HHIPL1: variants seen among roughly 807,000 people sequenced by gnomAD.
HHIPL1 encodes HHIP-like protein 1.
A neutral mutation model predicts 61.8 loss-of-function variants in HHIPL1; 43 were observed. The ratio of observed to expected loss-of-function variants is 0.70; its 90% CI spans 0.55 to 0.90. The LOEUF (loss-of-function observed/expected upper bound fraction) is 0.90. Ranked by LOEUF, HHIPL1 falls within the 40% of genes least tolerant of loss-of-function variation. The pLI is 0.00. For synonymous variants in HHIPL1, 482 were observed against 515.8 expected, an observed-to-expected ratio of 0.93 and a Z score of 0.89; for missense variants, 1,056 against 1,157.7, an observed-to-expected ratio of 0.91 and a Z score of 1.28.
At position 99,668,281 on chromosome 14, in the gene HHIPL1, T is replaced by C; in HGVS notation, c.1708T>C (p.Tyr570His). Residue 570 changes from tyrosine (Y) to histidine (H), a missense_variant, in exon 7 of 9, where the codon TAC becomes CAC. By Grantham distance (83) the Tyr-to-His change is moderately conservative. Transcript: ENST00000330710. This position sits in a 1 kb window ranked among gnomAD's most constrained non-coding sequence, Gnocchi z 4.7. The part of the protein sequence containing the change: ...PSATAPRGVV[Y>H]KIIDASRRAP... ...TGCCACAGCTCCACGCGGAGTTGTC[T>C]ACAAAATAATTGACGCATCCAGGTG... The C allele has an allele frequency of 6.2e-7, 1 of 1,610,296 alleles. No homozygotes were observed. Among genetic ancestry groups the C allele is most frequent in the South Asian group, 1.1e-5 (1 of 91,008 alleles).
the HHIPL1 span, among the ~76,000 whole-genome samples, chr14:99,630,127 C>T: frequency 6.6e-6 from 1 of 152,206 alleles, no homozygotes; most frequent in African/African-American, 2.4e-5. Context: ...ATTGGCTGAG[C>T]CTCCACTGTG....
chr14:99,609,748 AG>A, the HHIPL1 span, among the ~76,000 whole-genome samples: 72 of 152,374 alleles, frequency 4.7e-4, no homozygotes, highest in African/African-American at 1.7e-3. Context: ...TCTGGAGCTC[AG>A]GAAGTCCGCA....
In HHIPL1 at chr14:99,652,778, C is replaced by T. The variant is rs761222378; in HGVS notation, c.810C>T (p.Tyr270=). 28 of 1,613,978 alleles carry T rather than the reference C, an allele frequency of 1.7e-5. No homozygotes were observed. The highest frequency in any genetic ancestry group is 2.3e-5 in the Non-Finnish European group (27 of 1,180,052). The change falls in exon 2 of 9, where the codon TAC becomes TAT. Residue 270 remains tyrosine, a synonymous_variant. Coordinates refer to ENST00000330710, the MANE Select transcript of HHIPL1 (RefSeq NM_001127258.3). ...FQHNRRLYVY[Y]SVGIRSSEWI... is the part of the protein sequence containing the mutation. ...ACAACCGCAGGCTCTACGTCTACTA[C>T]TCAGTGGGTATCCGCAGCAGTGAGT...
chr14:99,667,739 G>A (rs1211890035), intron 6 of HHIPL1, among the ~76,000 whole-genome samples: 2 of 152,192 alleles, frequency 1.3e-5, no homozygotes, highest in African/African-American at 4.8e-5. Flanking sequence ...CACGCTCTGC[G>A]CTCTTCAGTC....
At chr14:99,605,511 G>A in the HHIPL1 span, among the ~76,000 whole-genome samples, 275 of 152,276 alleles carry the variant, frequency 1.8e-3, 3 homozygotes, top group Non-Finnish European at 2.2e-4. Flanking sequence ...TTGCTAAGCC[G>A]TTCATTCAGC....
At position 99,652,337 on chromosome 14, in the gene HHIPL1, G is replaced by T. The variant is rs1409833184; in HGVS notation, c.369G>T (p.Arg123=). The T allele has an allele frequency of 5.0e-6, 8 of 1,614,064 alleles. No individual in the cohort carries two copies. The highest frequency in any genetic ancestry group is 6.8e-6 in the Non-Finnish European group (8 of 1,180,048). ...DYCLDMWHKC[R]GLFRHLSTDQ... ...GCCTGGACATGTGGCATAAGTGCCG[G>T]GGGCTGTTCCGTCACCTGTCAACTG... Residue 123 remains arginine, a synonymous_variant, in exon 2 of 9, where the codon CGG becomes CGT. Coordinates refer to ENST00000330710, the MANE Select transcript of HHIPL1 (RefSeq NM_001127258.3).
the HHIPL1 span, among the ~76,000 whole-genome samples, chr14:99,614,356 A>G: frequency 9.2e-5 from 14 of 152,276 alleles, no homozygotes; most frequent in Middle Eastern, 0.02. Context: ...ACCAGGCCAC[A>G]GAACTCTGCA....
At chr14:99,629,229 T>C in the HHIPL1 span, among the ~76,000 whole-genome samples, 148,236 of 152,342 alleles carry the variant, frequency 0.97, 72,254 homozygotes, top group East Asian at 1. Context: ...GGGGACTGTT[T>C]CATATCATCA....
chr14:99,634,009 GGA>G, the HHIPL1 span, among the ~76,000 whole-genome samples: 2,787 of 152,336 alleles, frequency 0.018, 42 homozygotes, highest in Non-Finnish European at 0.031. Context: ...TGGCGGGGCA[GGA>G]GCAAAGCTGC....
intron 1 of HHIPL1, among the ~76,000 whole-genome samples, chr14:99,648,206 G>A (rs1278094161): frequency 1.3e-5 from 2 of 152,144 alleles, no homozygotes; most frequent in East Asian, 3.9e-4. Flanking sequence ...GTAGGAACAA[G>A]GCCACATACC....
the HHIPL1 span, among the ~76,000 whole-genome samples, chr14:99,628,465 C>T: frequency 6.6e-6 from 1 of 151,594 alleles, no homozygotes; most frequent in Non-Finnish European, 1.5e-5. Context: ...TCTGTAATCC[C>T]AGCTACTTGG....
At chr14:99,663,155 C>CAGG in intron 6 of HHIPL1, 134 bp downstream of exon 6, 1 of 807,644 alleles carries the variant, frequency 1.2e-6, no homozygotes, top group Non-Finnish European at 1.9e-6. Flanking sequence ...GGGATGTTCC[C>CAGG]TGGCTCCAGA....
chr14:99,669,210 G>C (rs1162899976), intron 7 of HHIPL1: 1 of 1,225,232 alleles, frequency 8.2e-7, no homozygotes, highest in African/African-American at 1.5e-5. Context: ...GGCCGCCCAG[G>C]TGCTGGGAAT....
rs1330878744 is a variant in HHIPL1, at chr14:99,668,743, C to G, written c.1730+440C>G. ...GATCCCTGTGTGTCCCCGCCCCGTG[C>G]CTGCCCTTCCTCCTGTGGTCCATCT... is the stretch of plus-strand genomic sequence containing the variant. On this transcript the variant is annotated intron_variant, in intron 7 of 8. Transcript: ENST00000330710. The surrounding 1 kb of genome is among the most constrained non-coding windows in gnomAD (Gnocchi z 4.7). The G allele has an allele frequency of 4.0e-6, 6 of 1,492,416 alleles. No homozygotes were observed. The Admixed American group carries it at 8.6e-5, about 21-fold the overall frequency. 92.4% of individuals were successfully genotyped at this position (1,492,416 alleles called of 1,614,324 possible).
intron 1 of HHIPL1, 71 bp downstream of exon 1, chr14:99,645,533 C>T: frequency 8.1e-7 from 1 of 1,234,050 alleles, no homozygotes; most frequent in Non-Finnish European, 1.0e-6. Context: ...GATCGGAACC[C>T]CGCGGGGGCG....
intron 2 of HHIPL1, among the ~76,000 whole-genome samples, chr14:99,654,772 A>G (rs1470739536): frequency 6.6e-6 from 1 of 152,234 alleles, no homozygotes; most frequent in Non-Finnish European, 1.5e-5. Flanking sequence ...CCAGAGTGAA[A>G]GGAGGAAACA....
the HHIPL1 span, among the ~76,000 whole-genome samples, chr14:99,620,939 C>T: frequency 3.3e-4 from 51 of 152,340 alleles, no homozygotes; most frequent in African/African-American, 1.1e-3. Flanking sequence ...AGGCAACACT[C>T]GGGTCTGCCC....
the HHIPL1 span, among the ~76,000 whole-genome samples, chr14:99,637,130 G>A: frequency 1.2e-4 from 6 of 49,836 alleles, no homozygotes; most frequent in Non-Finnish European, 1.7e-4. Context: ...AAAAGAAAGA[G>A]AGAGAGAGAA....
upstream of HHIPL1, among the ~76,000 whole-genome samples, chr14:99,643,354 TTCTTA>T (rs1266964592): frequency 6.6e-6 from 1 of 152,230 alleles, no homozygotes; most frequent in African/African-American, 2.4e-5. Flanking sequence ...ACTGTGACTT[TTCTTA>T]TCTTTTTTTC....
Sources: allele counts gnomAD v4.1 joint callset (sites outside exome capture counted in the v4.1 genomes callset), GRCh38; gene constraint gnomAD v4.1.1; non-coding constraint Gnocchi (gnomAD v3.1); transcripts MANE v1.5; gene names NCBI Gene and HGNC (gene_info 2026-07-23, HGNC 2026-07-21).